USP31: variants seen among roughly 807,000 people sequenced by gnomAD.
USP31 encodes the protein ubiquitin specific peptidase 31.
A neutral mutation model predicts 119.4 loss-of-function variants in USP31; 44 were observed. The observed-to-expected ratio is 0.37, with a 90% CI of 0.29 to 0.47. The LOEUF (loss-of-function observed/expected upper bound fraction) is 0.47. USP31 is among the 20% of genes least tolerant of loss of function. The pLI is 0.99. For synonymous variants in USP31, 749 were observed against 705.6 expected, an observed-to-expected ratio of 1.06 and a Z score of -0.97; for missense variants, 1,643 against 1,730.2, an observed-to-expected ratio of 0.95 and a Z score of 0.89.
At chr16:23,141,656 C>A (rs754265202) in intron 1 of USP31, among the ~76,000 whole-genome samples, 1 of 152,190 alleles carries the variant, frequency 6.6e-6, no homozygotes, top group Non-Finnish European at 1.5e-5. Flanking sequence ...GGATTACAGG[C>A]ACATGCCACC....
intron 1 of USP31, among the ~76,000 whole-genome samples, chr16:23,143,704 C>A (rs1903422387): frequency 6.6e-6 from 1 of 152,124 alleles, no homozygotes; most frequent in Admixed American, 6.5e-5. Context: ...CAAACAGTTT[C>A]TCAGCCTCAG....
intron 15 of USP31, 101 bp from the exon 16 acceptor site, chr16:23,069,717 G>A: frequency 1.4e-6 from 2 of 1,436,992 alleles, no homozygotes; most frequent in Non-Finnish European, 1.8e-6. Context: ...CTCATGGGAT[G>A]AAAGGAGCAT....
At chr16:23,073,492 G>C (rs1020771676) in intron 14 of USP31, among the ~76,000 whole-genome samples, 1 of 152,042 alleles carries the variant, frequency 6.6e-6, no homozygotes, top group Non-Finnish European at 1.5e-5. Flanking sequence ...CTTTCTTTGC[G>C]CCAGGTCCAA....
intron 9 of USP31, among the ~76,000 whole-genome samples, chr16:23,086,559 G>A (rs933684972): frequency 2.6e-5 from 4 of 152,050 alleles, no homozygotes; most frequent in South Asian, 4.2e-4. Context: ...AAGGAATTAC[G>A]GACGGAGGAA....
intron 13 of USP31, 138 bp downstream of exon 13, chr16:23,079,808 G>A (rs1003953517): frequency 9.3e-6 from 7 of 748,708 alleles, no homozygotes; most frequent in Middle Eastern, 3.7e-4. Flanking sequence ...CAGAGATCCA[G>A]AGGATGGAAA....
intron 13 of USP31, among the ~76,000 whole-genome samples, chr16:23,074,913 A>G (rs1347560962): frequency 6.6e-6 from 1 of 152,238 alleles, no homozygotes; most frequent in Non-Finnish European, 1.5e-5. Flanking sequence ...GGGTGAGAAT[A>G]AACGAGTGCT....
chr16:23,114,603 T>G (rs1201681431), intron 1 of USP31, among the ~76,000 whole-genome samples: 1 of 152,224 alleles, frequency 6.6e-6, no homozygotes, highest in African/African-American at 2.4e-5. Context: ...CAAGACTGCA[T>G]TAAATTTGTT....
At chr16:23,134,900 ACAC>A (rs1903142191) in intron 1 of USP31, among the ~76,000 whole-genome samples, 1 of 151,698 alleles carries the variant, frequency 6.6e-6, no homozygotes. Flanking sequence ...ATACACACAC[ACAC>A]ACACACACAC....
At chr16:23,146,799 T>C (rs1281421642) in intron 1 of USP31, among the ~76,000 whole-genome samples, 1 of 152,102 alleles carries the variant, frequency 6.6e-6, no homozygotes, top group East Asian at 1.9e-4. Flanking sequence ...AACAAAATCA[T>C]CTCCTTTTAC....
intron 1 of USP31, among the ~76,000 whole-genome samples, chr16:23,114,358 T>C (rs1902422251): frequency 6.6e-6 from 1 of 150,952 alleles, no homozygotes; most frequent in Non-Finnish European, 1.5e-5. Context: ...GACAATCTCA[T>C]GGCATAGAGT....
At chr16:23,144,253 C>G (rs1216626040) in intron 1 of USP31, among the ~76,000 whole-genome samples, 1 of 152,122 alleles carries the variant, frequency 6.6e-6, no homozygotes, top group Admixed American at 6.5e-5. Context: ...CTTTTCTAAC[C>G]TCAAGGTAAC....
rs576721136 is a variant in USP31 at position 23,069,060 on chromosome 16, G to A, written c.3045C>T (p.Leu1015=). The A allele has an allele frequency of 3.0e-5, 49 of 1,612,478 alleles. No individual in the cohort carries two copies. The highest frequency in any genetic ancestry group is 3.3e-4 in the Middle Eastern group (2 of 6,084). ...EVKAPSHPGS[L]AKKPESTTKR... is the part of the protein sequence containing the mutation. ...TAGTTGTGCTCTCTGGTTTCTTTGC[G>A]AGTGAGCCTGGGTGGCTGGGGGCTT... Residue 1015 remains leucine (L), a synonymous_variant, in exon 16 of 16, where the codon CTC becomes CTT. Transcript: ENST00000219689.
rs1902512329 is a variant in USP31 at position 23,117,133 on chromosome 16, A to G, written c.634-8950T>C. On this transcript the variant is annotated intron_variant, in intron 1 of 15. Transcript: ENST00000219689. The stretch of plus-strand genomic sequence containing the variant: ...AAAGTTTCAAATTTTGGAGCATTTC[A>G]GATTTCAGATTGTCAGATTTAGGAT... 2.6e-5 allele frequency among the ~76,000 whole-genome samples: 4 copies of G among 152,216 alleles called. No individual in the cohort carries two copies. The South Asian group carries it at 8.3e-4, about 32-fold the overall frequency.
chr16:23,101,600 G>A (rs1901861880), intron 6 of USP31, among the ~76,000 whole-genome samples: 1 of 152,130 alleles, frequency 6.6e-6, no homozygotes. Flanking sequence ...TACTCGGTGT[G>A]GAGTAGGGAC....
rs1183604069 is a variant in USP31, at chr16:23,062,384, A to ATC, written c.*5661_*5662insGA. The ATC allele has an allele frequency of 0.043, 6,501 of 150,690 alleles. 257 individuals carry two copies. The highest frequency in any genetic ancestry group is 0.12 in the Admixed American group (1,748 of 15,136). The allele number at this position is 150,690 out of a possible 1,614,324, so 9.3% of individuals were successfully genotyped here. A position where few individuals can be genotyped will look rare whatever the true frequency, so the allele number is the denominator to read the frequency against. On this transcript the variant is annotated 3_prime_UTR_variant, in exon 16 of 16. Coordinates refer to ENST00000219689, the MANE Select transcript of USP31 (RefSeq NM_020718.4). ...AGCAATAAGGGTTTTTTTTTTTTAA[A>ATC]AAAAAGACACCAAAGAAAATGTTTC...
In USP31 at chr16:23,069,282, A is replaced by T. The variant is rs753461812; in HGVS notation, c.2823T>A (p.Pro941=). Residue 941 remains proline (P), a synonymous_variant, in exon 16 of 16, where the codon CCT becomes CCA. Transcript: ENST00000219689. ...TGAACACGCCTTCCATGACAGCCAG[A>T]GGGGCCCGGCCCACAGCCTTGTGCT... ...RREHKAVGRA[P]LAVMEGVFKD... 3.7e-6 allele frequency: 6 copies of T among 1,612,248 alleles called. No individual in the cohort carries two copies. The South Asian group carries it at 4.4e-5, about 12-fold the overall frequency.
chr16:23,111,484 G>A (rs74769830), intron 1 of USP31, among the ~76,000 whole-genome samples: 2,241 of 152,252 alleles, frequency 0.015, 24 homozygotes, highest in South Asian at 0.035. Flanking sequence ...CCCCCCTTTC[G>A]AATCCATTGT....
chr16:23,106,181 TAC>T (rs758317766), intron 4 of USP31, 30 bp downstream of exon 4: 27 of 1,612,582 alleles, frequency 1.7e-5, no homozygotes, highest in Middle Eastern at 1.6e-4. Context: ...CATAAGAAAA[TAC>T]AGTCTTCATT....
At chr16:23,113,765 C>T (rs1368502309) in intron 1 of USP31, among the ~76,000 whole-genome samples, 1 of 152,034 alleles carries the variant, frequency 6.6e-6, no homozygotes, top group Non-Finnish European at 1.5e-5. Context: ...GCAGAGGGAC[C>T]CACAGGCTAA....
Sources: allele counts gnomAD v4.1 joint callset (sites outside exome capture counted in the v4.1 genomes callset), GRCh38; gene constraint gnomAD v4.1.1; transcripts MANE v1.5; gene names NCBI Gene and HGNC (gene_info 2026-07-23, HGNC 2026-07-21).